Variants in PARP3 observed in about 807,000 individuals in gnomAD.
PARP3 encodes the protein protein mono-ADP-ribosyltransferase PARP3.
Under a neutral mutation model 58.2 loss-of-function variants are expected in PARP3, and 46 were observed. The ratio of observed to expected loss-of-function variants is 0.79; its 90% confidence interval spans 0.62 to 1.01. PARP3 has a LOEUF of 1.01. Ranked by LOEUF, PARP3 falls within the 50% of genes least tolerant of loss-of-function variation. The pLI is 0.00. For synonymous variants in PARP3, 252 were observed against 266.4 expected, an observed-to-expected ratio of 0.95 and a Z score of 0.53; for missense variants, 663 against 683.9, an observed-to-expected ratio of 0.97 and a Z score of 0.34.
intron 10 of PARP3, 150 bp downstream of exon 10, chr3:51,948,045 A>C: frequency 1.2e-6 from 1 of 832,452 alleles, no homozygotes; most frequent in Admixed American, 2.5e-5. Flanking sequence ...CACTGGTTCA[A>C]CACATCATTC....
In PARP3 at chr3:51,945,257, G is replaced by T. The variant is rs776325040; in HGVS notation, c.861+33G>T. The T allele has an allele frequency of 3.1e-6, 5 of 1,597,176 alleles. No individual in the cohort carries two copies. The African/African-American group carries it at 6.7e-5, about 21-fold the overall frequency. ...CTGGCAGGGGTGCGGGCAGGCAGTGGGGCACTGAACAGACAGCCTAGGCGA... is the reference window on the plus strand; with the variant it reads ...CTGGCAGGGGTGCGGGCAGGCAGTGTGGCACTGAACAGACAGCCTAGGCGA... On this transcript the variant is annotated intron_variant, in intron 6 of 10. Coordinates refer to ENST00000398755, the MANE Select transcript of PARP3 (RefSeq NM_001003931.4).
chr3:51,945,521 G>A lies in PARP3; in HGVS notation c.888G>A (p.Gln296=), dbSNP rs1699655635. ...LLVLADIELA[Q]ALQAVSEQEK... is the part of the protein sequence containing the mutation. ...TGCTGGCGGACATCGAGCTGGCCCA[G>A]GCCCTGCAGGCAGTCTCTGAGCAGG... The change falls in exon 7 of 11, where the codon CAG becomes CAA. Residue 296 remains glutamine, a synonymous_variant. Transcript: ENST00000398755. The A allele has an allele frequency of 1.2e-6, 2 of 1,613,790 alleles. No homozygotes were observed. Among genetic ancestry groups the A allele is most frequent in the Admixed American group, 1.7e-5 (1 of 60,016 alleles).
chr3:51,944,521 CAAGT>C lies in PARP3; in HGVS notation c.446_449del (p.Lys149ThrfsTer17). ...GGGACCACTTTGTGTCTCACCCGGG[CAAGT>C]ACACACTTATCGAAGTACAGGCAGA... On this transcript the variant is annotated frameshift_variant, in exon 4 of 11. Coordinates refer to ENST00000398755, the MANE Select transcript of PARP3 (RefSeq NM_001003931.4). LOFTEE classifies it high-confidence loss of function. The surrounding 1 kb of genome is among the most constrained non-coding windows in gnomAD (Gnocchi z 4.2). The C allele has an allele frequency of 6.2e-7, 1 of 1,614,190 alleles. No homozygotes were observed. The highest frequency in any genetic ancestry group is 1.7e-5 in the Admixed American group (1 of 60,028).
Position 51,944,511 on chromosome 3 carries a change from C to G in PARP3, c.434C>G (p.Ser145Cys), listed in dbSNP as rs1201709393. 5.6e-6 allele frequency: 9 copies of G among 1,614,086 alleles called. No homozygotes were observed. The highest frequency in any genetic ancestry group is 7.6e-6 in the Non-Finnish European group (9 of 1,180,046). The change falls in exon 4 of 11, where the codon TCT becomes TGT. Residue 145 changes from serine to cysteine, a missense_variant. Physicochemically the swap from Ser to Cys is moderately radical, Grantham distance 112. Around this residue, in one of 3 missense-constraint regions of PARP3, gnomAD observed 567 missense variants for 553.6 expected, o/e 1.02. Coordinates refer to ENST00000398755, the MANE Select transcript of PARP3 (RefSeq NM_001003931.4). The surrounding 1 kb of genome is among the most constrained non-coding windows in gnomAD (Gnocchi z 4.2). Reference sequence around the variant, plus strand: ...TGGGCAGAGCGGGACCACTTTGTGTCTCACCCGGGCAAGTACACACTTATC... The same window carrying G: ...TGGGCAGAGCGGGACCACTTTGTGTGTCACCCGGGCAAGTACACACTTATC... Reference protein sequence around the residue: ...NNWAERDHFVSHPGKYTLIEV... With the variant: ...NNWAERDHFVCHPGKYTLIEV...
intron 10 of PARP3, 87 bp downstream of exon 10, chr3:51,947,982 G>A: frequency 7.5e-7 from 1 of 1,337,058 alleles, no homozygotes; most frequent in Admixed American, 2.0e-5. Context: ...GCTGTGAAGA[G>A]GGACAAAAAG....
chr3:51,947,323 C>G (rs1179105785), intron 9 of PARP3, among the ~76,000 whole-genome samples: 1 of 152,154 alleles, frequency 6.6e-6, no homozygotes. Context: ...TTCTAGGATG[C>G]CTGAGGTCAC....
At position 51,948,527 on chromosome 3, in the gene PARP3, T is replaced by G; in HGVS notation, c.*47T>G. On this transcript the variant is annotated 3_prime_UTR_variant, in exon 11 of 11. Coordinates refer to ENST00000398755, the MANE Select transcript of PARP3 (RefSeq NM_001003931.4). ...GTCCTGCAAGGCTGGACTGTGATCT[T>G]CAATCATCCTGCCCATCTCTGGTAC... 6.4e-7 allele frequency: 1 copy of G among 1,550,418 alleles called. No individual in the cohort carries two copies. Among genetic ancestry groups the G allele is most frequent in the Non-Finnish European group, 8.9e-7 (1 of 1,125,864 alleles).
In PARP3 at chr3:51,946,574, C is replaced by T. The variant is rs567716428; in HGVS notation, c.1276+231C>T. On this transcript the variant is annotated intron_variant, in intron 9 of 10. Transcript: ENST00000398755. The surrounding 1 kb of genome is among the most constrained non-coding windows in gnomAD (Gnocchi z 4.6). ...AGGCAATACAGATAGGATGGGTGCACCAACCAGACCTGGGAGGGGGTAAAA... is the reference window on the plus strand; with the variant it reads ...AGGCAATACAGATAGGATGGGTGCATCAACCAGACCTGGGAGGGGGTAAAA... 6.6e-6 allele frequency among the ~76,000 whole-genome samples: 1 copy of T among 152,058 alleles called. No homozygotes were observed. Among genetic ancestry groups the T allele is most frequent in the African/African-American group, 2.4e-5 (1 of 41,484 alleles).
In PARP3 at chr3:51,944,982, TC is replaced by T. The variant is rs1699637699; in HGVS notation, c.635-12del. 1 of 1,612,576 alleles carries T rather than the reference TC, an allele frequency of 6.2e-7. No homozygotes were observed. Among genetic ancestry groups the T allele is most frequent in the Non-Finnish European group, 8.5e-7 (1 of 1,179,288 alleles). On this transcript the variant is annotated splice_polypyrimidine_tract_variant and intron_variant, in intron 5 of 10. Coordinates refer to ENST00000398755, the MANE Select transcript of PARP3 (RefSeq NM_001003931.4). This position sits in a 1 kb window ranked among gnomAD's most constrained non-coding sequence, Gnocchi z 4.2. ...GGGCTGTGGGGCTGAGTCTCCCCAC[TC>T]CCCTGTCCCCCTAGATGTGAAGAAG...
At chr3:51,947,402 G>A (rs1336680982) in intron 9 of PARP3, among the ~76,000 whole-genome samples, 1 of 152,150 alleles carries the variant, frequency 6.6e-6, no homozygotes, top group Non-Finnish European at 1.5e-5. Context: ...GGGCTTAGGA[G>A]AGCCAGCGCG....
rs755984921 is a variant in PARP3 at position 51,945,037 on chromosome 3, A to T, written c.674A>T (p.Gln225Leu). 6.2e-7 allele frequency: 1 copy of T among 1,614,102 alleles called. No individual in the cohort carries two copies. The highest frequency in any genetic ancestry group is 1.3e-5 in the African/African-American group (1 of 75,044). The change falls in exon 6 of 11, where the codon CAG becomes CTG. Residue 225 changes from glutamine (Q) to leucine (L), a missense_variant. Gln to Leu is a moderately radical substitution (Grantham distance 113, BLOSUM62 -2). Around this residue, in one of 3 missense-constraint regions of PARP3, gnomAD observed 567 missense variants for 553.6 expected, o/e 1.02. Coordinates refer to ENST00000398755, the MANE Select transcript of PARP3 (RefSeq NM_001003931.4). ...KMPLGKLSKQ[Q>L]IARGFEALEA... ...CCCCTGGGAAAGCTGAGCAAGCAACAGATTGCACGGGGTTTCGAGGCCTTG... is the reference window on the plus strand; with the variant it reads ...CCCCTGGGAAAGCTGAGCAAGCAACTGATTGCACGGGGTTTCGAGGCCTTG...
intron 2 of PARP3, 135 bp downstream of exon 2, chr3:51,943,673 C>A: frequency 1.2e-6 from 1 of 811,266 alleles, no homozygotes; most frequent in Non-Finnish European, 2.0e-6. Flanking sequence ...AGGCCATGTT[C>A]TCCTGACCCC....
Position 51,944,793 on chromosome 3 carries a change from G to C in PARP3, c.517G>C (p.Val173Leu), listed in dbSNP as rs752348794. ...EAVVKVDRGP[V>L]RTVTKRVQPC... ...CTATCTTCAGGTGGACAGAGGCCCA[G>C]TGAGGACTGTGACTAAGCGGGTGCA... is the stretch of plus-strand genomic sequence containing the variant. The change falls in exon 5 of 11, where the codon GTG becomes CTG. Residue 173 changes from valine to leucine, a missense_variant. Physicochemically the swap from Val to Leu is conservative, Grantham distance 32. Transcript: ENST00000398755. This position sits in a 1 kb window ranked among gnomAD's most constrained non-coding sequence, Gnocchi z 4.2. 2.5e-6 allele frequency: 4 copies of C among 1,611,964 alleles called. No homozygotes were observed. The highest frequency in any genetic ancestry group is 3.4e-4 in the Middle Eastern group (2 of 5,958).
chr3:51,945,728 C>T, intron 7 of PARP3, 84 bp downstream of exon 7: 1 of 1,545,330 alleles, frequency 6.5e-7, no homozygotes, highest in South Asian at 1.1e-5. Context: ...CAGAGGAATA[C>T]TCGCCCTCAG....
chr3:51,945,497 G>A lies in PARP3; in HGVS notation c.864G>A (p.Val288=). 1 of 1,613,412 alleles carries A rather than the reference G, an allele frequency of 6.2e-7. No homozygotes were observed. Among genetic ancestry groups the A allele is most frequent in the South Asian group, 1.1e-5 (1 of 91,070 alleles). The change falls in exon 7 of 11, where the codon GTG becomes GTA. Residue 288 remains valine (V), a splice_region_variant and synonymous_variant. Transcript: ENST00000398755. Reference sequence around the variant, plus strand: ...ACTGCCAGGGCCCATCATCCTAGGTGCTGGCGGACATCGAGCTGGCCCAGG... The same window carrying A: ...ACTGCCAGGGCCCATCATCCTAGGTACTGGCGGACATCGAGCTGGCCCAGG... ...LLQAKKDMLL[V]LADIELAQAL...
In PARP3 at chr3:51,945,129, C is replaced by G. The variant is rs1292800378; in HGVS notation, c.766C>G (p.His256Asp). 6.2e-7 allele frequency: 1 copy of G among 1,614,032 alleles called. No homozygotes were observed. Among genetic ancestry groups the G allele is most frequent in the Non-Finnish European group, 8.5e-7 (1 of 1,180,064 alleles). ...GGQSLEELSSHFYTVIPHNFG... is the reference protein window; with the variant it reads ...GGQSLEELSSDFYTVIPHNFG... ...CCAAAGCCTGGAGGAGCTGTCCTCA[C>G]ACTTTTACACCGTCATCCCGCACAA... is the stretch of plus-strand genomic sequence containing the variant. The change falls in exon 6 of 11, where the codon CAC becomes GAC. Residue 256 changes from histidine (H) to aspartate (D), a missense_variant. This residue lies in a region of PARP3 where 567 missense variants were observed against 553.6 expected (regional missense o/e 1.02). Coordinates refer to ENST00000398755, the MANE Select transcript of PARP3 (RefSeq NM_001003931.4).
intron 2 of PARP3, among the ~76,000 whole-genome samples, chr3:51,943,769 G>A (rs1307070548): frequency 6.6e-6 from 1 of 152,124 alleles, no homozygotes; most frequent in African/African-American, 2.4e-5. Context: ...CCGCACTTAG[G>A]GAAAGGCTGT....
At position 51,948,856 on chromosome 3, in the gene PARP3, C is replaced by T. The variant is rs559276413; in HGVS notation, c.*376C>T. The T allele has an allele frequency of 1.1e-5, 3 of 281,816 alleles. No homozygotes were observed. Among genetic ancestry groups the T allele is most frequent in the Non-Finnish European group, 2.0e-5 (3 of 149,200 alleles). The allele number at this position is 281,816 out of a possible 1,614,324, so 17.5% of individuals were successfully genotyped here. A position where few individuals can be genotyped will look rare whatever the true frequency, so the allele number is the denominator to read the frequency against. On this transcript the variant is annotated 3_prime_UTR_variant, in exon 11 of 11. Coordinates refer to ENST00000398755, the MANE Select transcript of PARP3 (RefSeq NM_001003931.4). ...ATGTTTTCATAAATGACAAGATTTCCTCCTTTTTTAAGGCTGAATGGTACT... is the reference window on the plus strand; with the variant it reads ...ATGTTTTCATAAATGACAAGATTTCTTCCTTTTTTAAGGCTGAATGGTACT...
Position 51,943,406 on chromosome 3 carries a change from G to A in PARP3, c.51G>A (p.Lys17=), listed in dbSNP as rs1465318429. 3 of 1,603,666 alleles carry A rather than the reference G, an allele frequency of 1.9e-6. No individual in the cohort carries two copies. The highest frequency in any genetic ancestry group is 2.6e-6 in the Non-Finnish European group (3 of 1,175,988). The change falls in exon 2 of 11, where the codon AAG becomes AAA. Residue 17 remains lysine (K), a synonymous_variant. Transcript: ENST00000398755. ...TACAGACTGAGGGCCCTGAGAAGAA[G>A]AAGGGCCGGCAGGCAGGAAGGGAGG... ...PWVQTEGPEK[K]KGRQAGREED...
Sources: allele counts gnomAD v4.1 joint callset (sites outside exome capture counted in the v4.1 genomes callset), GRCh38; gene constraint gnomAD v4.1.1; regional missense constraint gnomAD v4.1.1; non-coding constraint Gnocchi (gnomAD v3.1); transcripts MANE v1.5; gene names NCBI Gene and HGNC (gene_info 2026-07-23, HGNC 2026-07-21).